The following SPATA7 variants were observed in gnomAD, a reference collection of about 807,000 sequenced individuals.
The protein encoded by SPATA7 is spermatogenesis associated 7, also known as spermatogenesis-associated protein 7.
Under a neutral mutation model 51.8 loss-of-function variants are expected in SPATA7, and 43 were observed. The observed-to-expected ratio is 0.83, with a 90% CI of 0.65 to 1.07. SPATA7 has a LOEUF of 1.07. Ranked by LOEUF, SPATA7 falls within the 50% of genes least tolerant of loss-of-function variation. The pLI is 0.00. For missense variants in SPATA7, 683 were observed against 701.3 expected (o/e 0.97, Z 0.30); for synonymous variants, 230 against 252.8 (o/e 0.91, Z 0.86).
downstream of SPATA7, among the ~76,000 whole-genome samples, chr14:88,459,633 A>G (rs1424310250): frequency 6.6e-6 from 1 of 152,092 alleles, no homozygotes; most frequent in Non-Finnish European, 1.5e-5. Context: ...GGGTCTCCTG[A>G]ATACAGCACA....
downstream of SPATA7, among the ~76,000 whole-genome samples, chr14:88,459,496 C>A (rs1421397202): frequency 1.5e-4 from 23 of 152,196 alleles, no homozygotes; most frequent in Non-Finnish European, 3.2e-4. Flanking sequence ...CTCTTTTGAT[C>A]TTTGTTGGTT....
At chr14:88,458,502 T>G (rs1188965396), downstream of SPATA7, among the ~76,000 whole-genome samples, 2 of 152,208 alleles carry the variant, frequency 1.3e-5, no homozygotes, top group African/African-American at 4.8e-5. Flanking sequence ...ATTTTCTAGT[T>G]TATTTGCTTA....
At chr14:88,464,024 A>G (rs1595325080) in intron 4 of SPATA7, among the ~76,000 whole-genome samples, 2 of 151,920 alleles carry the variant, frequency 1.3e-5, no homozygotes, top group East Asian at 1.9e-4. Context: ...TATTTTTAGT[A>G]GAGACGGGGT....
intron 3 of SPATA7, among the ~76,000 whole-genome samples, chr14:88,393,891 A>T (rs1002180377): frequency 1.3e-5 from 2 of 152,144 alleles, no homozygotes; most frequent in African/African-American, 4.8e-5. Flanking sequence ...TGCATTGATT[A>T]TAATGTGTAC....
chr14:88,456,648 C>T (rs936869093), downstream of SPATA7, among the ~76,000 whole-genome samples: 6 of 152,044 alleles, frequency 3.9e-5, no homozygotes, highest in Non-Finnish European at 8.8e-5. Flanking sequence ...GAGTAGATTG[C>T]AAAAATTTTC....
At chr14:88,427,051 A>G (rs1464212173) in intron 6 of SPATA7, among the ~76,000 whole-genome samples, 3 of 152,348 alleles carry the variant, frequency 2.0e-5, no homozygotes, top group South Asian at 4.1e-4. Context: ...GATTCATGTT[A>G]AAAGTGGCGA....
chr14:88,464,760 A>G (rs2077344196), intron 4 of SPATA7, among the ~76,000 whole-genome samples: 1 of 151,588 alleles, frequency 6.6e-6, no homozygotes, highest in African/African-American at 2.4e-5. Context: ...TATTTACAAT[A>G]ATTTCCTGTT....
At chr14:88,460,028 G>A (rs1397856609), downstream of SPATA7, among the ~76,000 whole-genome samples, 1 of 152,172 alleles carries the variant, frequency 6.6e-6, no homozygotes. Context: ...TAAGAATGTT[G>A]AATATTGGCC....
In SPATA7 at chr14:88,464,992, C is replaced by A. The variant is rs149955254; in HGVS notation, c.255-4855C>A. On this transcript the variant is annotated intron_variant, in intron 4 of 4. Coordinates refer to the SPATA7 transcript ENST00000556406. ...GTCCCACAACACCACACTCTCCTCC[C>A]TCCTCCTCCTGTTTCTGGCTAGACA... 4.6e-5 allele frequency among the ~76,000 whole-genome samples: 7 copies of A among 152,292 alleles called. No homozygotes were observed. The East Asian group carries it at 1.2e-3, about 25-fold the overall frequency.
At position 88,469,736 on chromosome 14, in the gene SPATA7, G is replaced by C; in HGVS notation, c.255-111G>C. 1 of 1,613,768 alleles carries C rather than the reference G, an allele frequency of 6.2e-7. No homozygotes were observed. The highest frequency in any genetic ancestry group is 1.3e-5 in the African/African-American group (1 of 75,028). ...AAGCTCTTCTCCCTTCCACCCTCCTGTTAAAGATGAGCATGGTTAAATGAC... is the reference window on the plus strand; with the variant it reads ...AAGCTCTTCTCCCTTCCACCCTCCTCTTAAAGATGAGCATGGTTAAATGAC... On this transcript the variant is annotated intron_variant, in intron 4 of 4. Transcript: ENST00000556406. This position sits in a 1 kb window ranked among gnomAD's most constrained non-coding sequence, Gnocchi z 4.3.
At chr14:88,456,950 A>C (rs1048340656), downstream of SPATA7, among the ~76,000 whole-genome samples, 9 of 151,998 alleles carry the variant, frequency 5.9e-5, no homozygotes, top group Non-Finnish European at 1.0e-4. Context: ...TATGGCTAGC[A>C]AGGTTTCCCA....
At position 88,445,546 on chromosome 14, in the gene SPATA7, G is replaced by T. The variant is rs1372081829; in HGVS notation, c.177+7643G>T. On this transcript the variant is annotated intron_variant, in intron 3 of 3. Transcript: ENST00000554802. ...TGTTGAATAGGAGTGGTGAGAGAGG[G>T]CATCCCTGTCTTGTGCCAGTTTTCA... Among the ~76,000 whole-genome samples the T allele has an allele frequency of 6.6e-5, 10 of 151,884 alleles. No individual in the cohort carries two copies. The South Asian group carries it at 1.9e-3, about 28-fold the overall frequency.
intron 1 of SPATA7, among the ~76,000 whole-genome samples, chr14:88,387,821 A>G (rs1013780344): frequency 3.9e-5 from 6 of 152,128 alleles, no homozygotes; most frequent in Non-Finnish European, 2.9e-5. Flanking sequence ...CCAGCTTCCT[A>G]TGGGGGAAGG....
chr14:88,452,587 C>G (rs1423243894), intron 3 of SPATA7, among the ~76,000 whole-genome samples: 1 of 152,164 alleles, frequency 6.6e-6, no homozygotes, highest in Non-Finnish European at 1.5e-5. Flanking sequence ...CTTGGCTTTC[C>G]TGGTATATTC....
rs534794830 is a variant in SPATA7, at chr14:88,468,945, T to G, written c.255-902T>G. On this transcript the variant is annotated intron_variant, in intron 4 of 4. Coordinates refer to the SPATA7 transcript ENST00000556406. ...TTGTGTTCCAGGCAGGCGATCATGA[T>G]CTCCGACAAAATCACCACGCCAGTC... 16 of 1,614,130 alleles carry G rather than the reference T, an allele frequency of 9.9e-6. No individual in the cohort carries two copies. The East Asian group carries it at 2.9e-4, about 29-fold the overall frequency.
chr14:88,401,307 G>A (rs2076049936), intron 4 of SPATA7, among the ~76,000 whole-genome samples: 1 of 152,136 alleles, frequency 6.6e-6, no homozygotes, highest in Admixed American at 6.6e-5. Context: ...ATCCATTCAT[G>A]ATAAACTCTC....
downstream of SPATA7, among the ~76,000 whole-genome samples, chr14:88,459,275 C>T (rs2077302749): frequency 6.6e-6 from 1 of 152,126 alleles, no homozygotes; most frequent in Non-Finnish European, 1.5e-5. Flanking sequence ...CCTGGATATC[C>T]TTGTTAACTT....
chr14:88,456,572 T>A (rs992911313), downstream of SPATA7, among the ~76,000 whole-genome samples: 1 of 152,078 alleles, frequency 6.6e-6, no homozygotes, highest in African/African-American at 2.4e-5. Flanking sequence ...GATGGGGTTG[T>A]TTGTTTTTTT....
chr14:88,426,167 T>A (rs1245783813), intron 5 of SPATA7, 65 bp from the exon 6 acceptor site: 1 of 1,174,958 alleles, frequency 8.5e-7, no homozygotes, highest in Non-Finnish European at 1.3e-6. Context: ...TAATGTATAA[T>A]CTCAAAATCC....
Sources: allele counts gnomAD v4.1 joint callset (sites outside exome capture counted in the v4.1 genomes callset), GRCh38; gene constraint gnomAD v4.1.1; non-coding constraint Gnocchi (gnomAD v3.1); transcripts MANE v1.5; gene names NCBI Gene and HGNC (gene_info 2026-07-23, HGNC 2026-07-21).